The following PTPRD variants were observed in gnomAD, a reference collection of about 807,000 sequenced individuals.
PTPRD encodes the protein receptor-type tyrosine-protein phosphatase delta.
In PTPRD, 34 loss-of-function variants were observed where a neutral mutation model predicts 214.5. The ratio of observed to expected loss-of-function variants is 0.16; its 90% CI spans 0.12 to 0.21. The LOEUF is 0.21. Among genes scored for constraint, PTPRD ranks in the 10% least tolerant of loss-of-function variants. The pLI, the probability that PTPRD is intolerant of heterozygous loss-of-function variation, is 1.00. For missense variants in PTPRD, 2,545 were observed against 2,398.7 expected (o/e 1.06, Z -1.27); for synonymous variants, 1,128 against 845.7 (o/e 1.33, Z -5.79).
chr9:8,448,803 G>A (rs557607326), intron 34 of PTPRD, among the ~76,000 whole-genome samples: 2 of 152,138 alleles, frequency 1.3e-5, no homozygotes. Context: ...TATCTGCAGT[G>A]TATCATACTG....
intron 3 of PTPRD, among the ~76,000 whole-genome samples, chr9:10,210,957 T>G (rs1271522289): frequency 6.6e-6 from 1 of 150,518 alleles, no homozygotes; most frequent in African/African-American, 2.4e-5. Flanking sequence ...CTATACACAA[T>G]GGCAAACAGA....
chr9:10,408,582 A>T (rs1011914176), intron 2 of PTPRD, among the ~76,000 whole-genome samples: 16 of 151,566 alleles, frequency 1.1e-4, no homozygotes, highest in African/African-American at 3.9e-4. Flanking sequence ...GGACCTCTAG[A>T]ATTGCATTTC....
chr9:10,548,422 A>G (rs2060603667), intron 2 of PTPRD, among the ~76,000 whole-genome samples: 1 of 152,114 alleles, frequency 6.6e-6, no homozygotes, highest in Non-Finnish European at 1.5e-5. Context: ...ATATATTTTC[A>G]TCTATGGCAT....
At chr9:9,289,483 A>ATG (rs1491270267) in intron 9 of PTPRD, among the ~76,000 whole-genome samples, 9 of 151,786 alleles carry the variant, frequency 5.9e-5, no homozygotes, top group African/African-American at 1.4e-4. Flanking sequence ...TACTATTTGC[A>ATG]TGTGTGTGTG....
At chr9:10,030,582 G>T (rs1438558182) in intron 4 of PTPRD, among the ~76,000 whole-genome samples, 1 of 152,142 alleles carries the variant, frequency 6.6e-6, no homozygotes, top group Non-Finnish European at 1.5e-5. Context: ...TAACTCCTAG[G>T]AGGGATACCT....
In PTPRD at chr9:8,910,465, A is replaced by G. The variant is rs565139105; in HGVS notation, c.-104+108232T>C. ...AATTAATAATTGGGTTAATGGATTT[A>G]TGAGTTATCACCATGTGGAACTGGT... On this transcript the variant is annotated intron_variant, in intron 11 of 45. Transcript: ENST00000381196. 6.6e-5 allele frequency among the ~76,000 whole-genome samples: 10 copies of G among 152,300 alleles called. No homozygotes were observed. The South Asian group carries it at 2.1e-3, about 32-fold the overall frequency.
At chr9:10,367,125 G>T (rs983271151) in intron 2 of PTPRD, among the ~76,000 whole-genome samples, 6 of 149,928 alleles carry the variant, frequency 4.0e-5, no homozygotes, top group South Asian at 2.1e-4. Flanking sequence ...CTGTCCTCTT[G>T]ATAGATACAG....
intron 8 of PTPRD, among the ~76,000 whole-genome samples, chr9:9,440,425 A>G (rs183734614): frequency 2.1e-3 from 325 of 152,336 alleles, no homozygotes; most frequent in Non-Finnish European, 3.4e-3. Context: ...AGGGGCAATT[A>G]ATTTGCATGG....
chr9:10,179,746 C>G (rs2099270865), intron 3 of PTPRD, among the ~76,000 whole-genome samples: 1 of 151,958 alleles, frequency 6.6e-6, no homozygotes. Flanking sequence ...AGTACTGAAG[C>G]GGAGACTAAC....
intron 8 of PTPRD, among the ~76,000 whole-genome samples, chr9:9,520,597 A>G (rs968222712): frequency 3.9e-5 from 6 of 152,198 alleles, no homozygotes. Context: ...AAAGGCGCAG[A>G]CTAATTTTGA....
rs539193969 is a variant in PTPRD at position 9,300,275 on chromosome 9, C to G, written c.-203+97174G>C. On this transcript the variant is annotated intron_variant, in intron 9 of 45. Coordinates refer to ENST00000381196, the MANE Select transcript of PTPRD (RefSeq NM_002839.4). ...TACAGGGCCTCTAAATAGTCCATCC[C>G]CTGCTTCTCTGGAACTAATTTGTAT... Among the ~76,000 whole-genome samples the G allele has an allele frequency of 1.1e-4, 17 of 151,534 alleles. No homozygotes were observed. The South Asian group carries it at 3.5e-3, about 32-fold the overall frequency.
intron 7 of PTPRD, among the ~76,000 whole-genome samples, chr9:9,651,299 T>A (rs2096341191): frequency 6.6e-6 from 1 of 152,162 alleles, no homozygotes; most frequent in Non-Finnish European, 1.5e-5. Context: ...ATAGGCAAAC[T>A]TGTATCATTG....
chr9:8,952,127 C>G (rs2099105338), intron 11 of PTPRD, among the ~76,000 whole-genome samples: 1 of 151,846 alleles, frequency 6.6e-6, no homozygotes, highest in Admixed American at 6.6e-5. Context: ...GAATTGCCTC[C>G]CCCACTAAAA....
At chr9:9,199,987 A>G (rs923934915) in intron 9 of PTPRD, among the ~76,000 whole-genome samples, 1 of 152,160 alleles carries the variant, frequency 6.6e-6, no homozygotes, top group African/African-American at 2.4e-5. Flanking sequence ...ATTTACCTAC[A>G]TAAAGTTGTT....
intron 9 of PTPRD, among the ~76,000 whole-genome samples, chr9:9,196,696 A>G (rs1338428208): frequency 1.3e-5 from 2 of 152,226 alleles, no homozygotes; most frequent in Admixed American, 6.5e-5. Context: ...AACATCTAGC[A>G]TATTTCCTGT....
intron 9 of PTPRD, among the ~76,000 whole-genome samples, chr9:9,305,871 G>C (rs1425505418): frequency 6.6e-6 from 1 of 152,118 alleles, no homozygotes; most frequent in Non-Finnish European, 1.5e-5. Context: ...AGGCCACCAA[G>C]AGAGGCAGGA....
intron 14 of PTPRD, among the ~76,000 whole-genome samples, chr9:8,584,748 T>C (rs1302026823): frequency 1.3e-5 from 2 of 152,156 alleles, no homozygotes; most frequent in Non-Finnish European, 2.9e-5. Flanking sequence ...ATGCTGCAAA[T>C]GGAGACATAC....
intron 2 of PTPRD, among the ~76,000 whole-genome samples, chr9:10,423,274 G>A (rs1291510349): frequency 6.6e-6 from 1 of 151,896 alleles, no homozygotes; most frequent in Non-Finnish European, 1.5e-5. Flanking sequence ...TTGGACACAG[G>A]GTGGGGAACA....
chr9:9,502,908 T>C (rs1025688145), intron 8 of PTPRD, among the ~76,000 whole-genome samples: 8 of 151,868 alleles, frequency 5.3e-5, no homozygotes, highest in African/African-American at 1.7e-4. Context: ...TAGAACAAGC[T>C]TGCCTTCACA....
Sources: gnomAD v4.1 joint callset for allele counts (sites outside exome capture counted in the v4.1 genomes callset) on GRCh38, gnomAD v4.1.1 for gene constraint, MANE v1.5 for transcripts, NCBI Gene and HGNC (gene_info 2026-07-23, HGNC 2026-07-21) for gene names.